The following PRSS23 variants were observed in gnomAD, a reference collection of about 807,000 sequenced individuals.
PRSS23 encodes serine protease 23, also known as protease, serine 23.
In PRSS23, 25 loss-of-function variants were observed where a neutral mutation model predicts 34.7. The ratio of observed to expected loss-of-function variants is 0.72; its 90% CI spans 0.53 to 1.01. The LOEUF (loss-of-function observed/expected upper bound fraction) is 1.01. Ranked by LOEUF, PRSS23 falls within the 50% of genes least tolerant of loss-of-function variation. PRSS23 has a pLI of 0.00. For synonymous variants in PRSS23, 176 were observed against 186.6 expected, an observed-to-expected ratio of 0.94 and a Z score of 0.46; for missense variants, 445 against 475.6, an observed-to-expected ratio of 0.94 and a Z score of 0.60.
At chr11:86,943,190 G>T (rs1320408344) in intron 2 of PRSS23, among the ~76,000 whole-genome samples, 1 of 152,212 alleles carries the variant, frequency 6.6e-6, no homozygotes, top group Non-Finnish European at 1.5e-5. Flanking sequence ...TATTCTAGAA[G>T]TGTCCAGTTT....
intron 2 of PRSS23, among the ~76,000 whole-genome samples, chr11:86,841,320 C>T (rs1283995276): frequency 1.3e-5 from 1 of 75,286 alleles, no homozygotes; most frequent in Admixed American, 2.0e-4. Context: ...GCCTGGGCAA[C>T]AAGAGGGAAA....
intron 1 of PRSS23, chr11:86,821,042 A>C (rs910767356): frequency 4.5e-6 from 1 of 221,024 alleles, no homozygotes; most frequent in African/African-American, 2.4e-5. Flanking sequence ...TAAATGAAGA[A>C]GCTATAATAT....
intron 2 of PRSS23, among the ~76,000 whole-genome samples, chr11:86,829,196 T>C (rs1020010154): frequency 2.0e-5 from 3 of 152,208 alleles, no homozygotes; most frequent in Non-Finnish European, 4.4e-5. Flanking sequence ...TTCGTTTCTT[T>C]TTATTCTTTT....
chr11:86,939,431 T>TTTTTTTTAAAATATATA (rs1555084022), intron 2 of PRSS23, among the ~76,000 whole-genome samples: 2 of 141,746 alleles, frequency 1.4e-5, no homozygotes, highest in African/African-American at 2.7e-5. Flanking sequence ...TATATATTTT[T>TTTTTTTTAAAATATATA]TAACATGAGT....
At chr11:86,849,787 C>T (rs891218152) in intron 2 of PRSS23, among the ~76,000 whole-genome samples, 2 of 152,122 alleles carry the variant, frequency 1.3e-5, no homozygotes, top group African/African-American at 2.4e-5. Context: ...CAGAATAGTT[C>T]ACTGTTCTGC....
intron 2 of PRSS23, among the ~76,000 whole-genome samples, chr11:86,824,662 A>C (rs924937550): frequency 8.2e-6 from 1 of 122,630 alleles, no homozygotes; most frequent in Non-Finnish European, 1.6e-5. Flanking sequence ...CCAGAGTGTG[A>C]TGTTCCCCTT....
At chr11:86,893,099 G>A (rs1325130827) in intron 2 of PRSS23, among the ~76,000 whole-genome samples, 1 of 152,194 alleles carries the variant, frequency 6.6e-6, no homozygotes, top group East Asian at 1.9e-4. Flanking sequence ...CTGTGAAGAT[G>A]AAAACAGAGA....
intron 2 of PRSS23, among the ~76,000 whole-genome samples, chr11:86,874,050 A>T (rs1320539353): frequency 6.6e-6 from 1 of 152,236 alleles, no homozygotes; most frequent in Non-Finnish European, 1.5e-5. Flanking sequence ...GAAAATGTGG[A>T]TGGAGACAGA....
chr11:86,827,766 A>G (rs1399996111), intron 2 of PRSS23, among the ~76,000 whole-genome samples: 3 of 152,216 alleles, frequency 2.0e-5, no homozygotes. Flanking sequence ...GTAGTCATTC[A>G]GGAGCAGGTT....
intron 2 of PRSS23, among the ~76,000 whole-genome samples, chr11:86,941,730 A>T (rs1949208466): frequency 6.6e-6 from 1 of 152,216 alleles, no homozygotes; most frequent in Non-Finnish European, 1.5e-5. Context: ...ACAGTGGGGT[A>T]GTCGATCATT....
At chr11:86,812,522 T>C (rs980418848), downstream of PRSS23, among the ~76,000 whole-genome samples, 2 of 151,338 alleles carry the variant, frequency 1.3e-5, no homozygotes, top group Non-Finnish European at 2.9e-5. Context: ...GCATGGTGGC[T>C]CATGTCTGTA....
At chr11:86,829,342 C>T (rs1049904623) in intron 2 of PRSS23, among the ~76,000 whole-genome samples, 5 of 152,318 alleles carry the variant, frequency 3.3e-5, no homozygotes, top group East Asian at 1.9e-4. Context: ...CTTTCAGCTC[C>T]GTCAGCTCCT....
At chr11:86,800,435 C>A (rs994828603), upstream of PRSS23, 10 of 982,020 alleles carry the variant, frequency 1.0e-5, no homozygotes, top group African/African-American at 1.8e-5. Flanking sequence ...TGCAGTGGGG[C>A]GGGCGGCGTC....
chr11:86,916,336 A>G (rs2212761), intron 2 of PRSS23, among the ~76,000 whole-genome samples: 142,945 of 152,226 alleles, frequency 0.94, 67,340 homozygotes, highest in Non-Finnish European at 0.98. Flanking sequence ...ATAAATAGTG[A>G]ATGTTTTCAT....
At chr11:86,931,141 C>G (rs1042767629) in intron 2 of PRSS23, among the ~76,000 whole-genome samples, 4 of 152,128 alleles carry the variant, frequency 2.6e-5, no homozygotes, top group African/African-American at 9.7e-5. Flanking sequence ...GTTGACAACT[C>G]ATATATCTGA....
intron 2 of PRSS23, among the ~76,000 whole-genome samples, chr11:86,874,171 A>G (rs1361556126): frequency 6.6e-6 from 1 of 152,146 alleles, no homozygotes; most frequent in African/African-American, 2.4e-5. Context: ...GTTCGAAGGA[A>G]GTTCACCAAG....
intron 1 of PRSS23, among the ~76,000 whole-genome samples, chr11:86,802,895 A>T (rs752691486): frequency 1.3e-5 from 2 of 152,208 alleles, no homozygotes; most frequent in Non-Finnish European, 2.9e-5. Context: ...GGGCCTATGA[A>T]GTGGCAGCAT....
chr11:86,839,243 C>G (rs896865278), intron 2 of PRSS23, among the ~76,000 whole-genome samples: 2 of 151,880 alleles, frequency 1.3e-5, no homozygotes, highest in African/African-American at 2.4e-5. Flanking sequence ...AGCTAAAAAC[C>G]TTGAAAAAAG....
At chr11:86,897,665 G>A (rs1330528157) in intron 2 of PRSS23, among the ~76,000 whole-genome samples, 1 of 148,768 alleles carries the variant, frequency 6.7e-6, no homozygotes, top group Non-Finnish European at 1.5e-5. Context: ...TAAATACTGG[G>A]TCTTGCTGTT....
Sources: allele counts gnomAD v4.1 joint callset (sites outside exome capture counted in the v4.1 genomes callset), GRCh38; gene constraint gnomAD v4.1.1; transcripts MANE v1.5; gene names NCBI Gene and HGNC (gene_info 2026-07-23, HGNC 2026-07-21).